EPB41L3: variants seen among roughly 807,000 people sequenced by gnomAD.
EPB41L3 encodes the protein erythrocyte membrane protein band 4.1 like 3, also known as band 4.1-like protein 3.
Under a neutral mutation model 127.1 loss-of-function variants are expected in EPB41L3, and 57 were observed. That is an observed-to-expected ratio of 0.45 (90% CI 0.36 to 0.56). EPB41L3 has a LOEUF of 0.56. Ranked by LOEUF, EPB41L3 falls within the 20% of genes least tolerant of loss-of-function variation. The pLI, the probability that EPB41L3 is intolerant of heterozygous loss-of-function variation, is 0.00. For missense variants in EPB41L3, 1,273 were observed against 1,372.2 expected (o/e 0.93, Z 1.14); for synonymous variants, 572 against 549.5 (o/e 1.04, Z -0.57).
At chr18:5,425,840 T>C (rs1387471086) in intron 9 of EPB41L3, among the ~76,000 whole-genome samples, 1 of 152,150 alleles carries the variant, frequency 6.6e-6, no homozygotes, top group Non-Finnish European at 1.5e-5. Flanking sequence ...CACGACCTGC[T>C]GCCTCTGCTA....
intron 8 of EPB41L3, among the ~76,000 whole-genome samples, chr18:5,428,737 A>G (rs2063655645): frequency 6.6e-6 from 1 of 152,178 alleles, no homozygotes; most frequent in Non-Finnish European, 1.5e-5. Flanking sequence ...CCAGCTCATG[A>G]AGGTATGTTA....
chr18:5,629,449 A>T (rs1053172301), upstream of EPB41L3, among the ~76,000 whole-genome samples: 3 of 148,668 alleles, frequency 2.0e-5, no homozygotes, highest in African/African-American at 7.5e-5. Context: ...ACACACACAC[A>T]CTGCCGCTAG....
chr18:5,614,933 T>G (rs1212716846), intron 1 of EPB41L3, among the ~76,000 whole-genome samples: 2 of 152,198 alleles, frequency 1.3e-5, no homozygotes, highest in Non-Finnish European at 2.9e-5. Context: ...TCAGGTTATG[T>G]GTATGAAGAG....
intron 1 of EPB41L3, among the ~76,000 whole-genome samples, chr18:5,531,592 G>A (rs1310861911): frequency 6.6e-6 from 1 of 151,828 alleles, no homozygotes; most frequent in African/African-American, 2.4e-5. Context: ...GTGTGGTGGT[G>A]CATGCCTGTA....
chr18:5,399,144 G>A, intron 16 of EPB41L3: 1 of 399,046 alleles, frequency 2.5e-6, no homozygotes, highest in Non-Finnish European at 4.4e-6. Flanking sequence ...AATTCTCCCG[G>A]AGACAGTGTC....
chr18:5,629,900 C>G (rs1364185052), upstream of EPB41L3, among the ~76,000 whole-genome samples: 3 of 152,142 alleles, frequency 2.0e-5, no homozygotes, highest in East Asian at 5.8e-4. Flanking sequence ...TCGGAATAGG[C>G]TAAACGGCCG....
intron 3 of EPB41L3, among the ~76,000 whole-genome samples, chr18:5,553,056 C>G (rs1243570194): frequency 1.3e-5 from 2 of 152,088 alleles, no homozygotes; most frequent in Non-Finnish European, 1.5e-5. Flanking sequence ...AGAAGAGAAA[C>G]AGAGTTAAGA....
At chr18:5,581,395 C>G (rs2094392146) in intron 3 of EPB41L3, among the ~76,000 whole-genome samples, 1 of 152,018 alleles carries the variant, frequency 6.6e-6, no homozygotes, top group South Asian at 2.1e-4. Flanking sequence ...GTCTGTTAAA[C>G]TAAATTTTAA....
At chr18:5,585,715 G>C (rs1430522319) in intron 3 of EPB41L3, among the ~76,000 whole-genome samples, 1 of 152,164 alleles carries the variant, frequency 6.6e-6, no homozygotes, top group Non-Finnish European at 1.5e-5. Flanking sequence ...TATGGAGTTA[G>C]GGGGATGGTC....
At chr18:5,613,461 C>T (rs1362705728) in intron 2 of EPB41L3, among the ~76,000 whole-genome samples, 1 of 152,114 alleles carries the variant, frequency 6.6e-6, no homozygotes, top group Non-Finnish European at 1.5e-5. Context: ...AATTCCTAGC[C>T]CTATTTCCCG....
At chr18:5,626,572 T>C (rs528179681) in intron 1 of EPB41L3, among the ~76,000 whole-genome samples, 2 of 152,334 alleles carry the variant, frequency 1.3e-5, no homozygotes, top group South Asian at 4.1e-4. Flanking sequence ...CACTGGAAAA[T>C]TCTATGTTCC....
At chr18:5,542,857 G>T (rs890571198) in intron 1 of EPB41L3, among the ~76,000 whole-genome samples, 1 of 152,200 alleles carries the variant, frequency 6.6e-6, no homozygotes, top group African/African-American at 2.4e-5. Flanking sequence ...GGCGGGCGTG[G>T]GGGGGAAGGG....
chr18:5,593,032 G>A (rs2094500469), intron 3 of EPB41L3, among the ~76,000 whole-genome samples: 1 of 152,128 alleles, frequency 6.6e-6, no homozygotes, highest in Admixed American at 6.5e-5. Context: ...CATTCAGAAG[G>A]CTTTAAAAAC....
chr18:5,556,457 G>T (rs112180867), intron 3 of EPB41L3, among the ~76,000 whole-genome samples: 13 of 152,166 alleles, frequency 8.5e-5, no homozygotes, highest in African/African-American at 3.1e-4. Flanking sequence ...GCTGGAGTAG[G>T]AACATTTGGT....
chr18:5,616,135 C>T (rs2094792307), intron 1 of EPB41L3, among the ~76,000 whole-genome samples: 1 of 151,636 alleles, frequency 6.6e-6, no homozygotes, highest in African/African-American at 2.4e-5. Context: ...CACCACCCTT[C>T]CCTCACCTCT....
In EPB41L3 at chr18:5,428,417, A is replaced by G; in HGVS notation, c.961T>C (p.Leu321=). The G allele has an allele frequency of 6.2e-7, 1 of 1,614,252 alleles. No homozygotes were observed. The highest frequency in any genetic ancestry group is 8.5e-7 in the Non-Finnish European group (1 of 1,180,040). The part of the protein sequence containing the change: ...IMLGVCASGL[L]IYRDRLRINR... ...ATTCGCAGCCGGTCGCGATATATCA[A>G]CAGACCACTTGCACAAACTCCTAAC... is the stretch of plus-strand genomic sequence containing the variant. Residue 321 remains leucine (L), a synonymous_variant, in exon 9 of 23, where the codon TTG becomes CTG. Coordinates refer to ENST00000341928, the MANE Select transcript of EPB41L3 (RefSeq NM_012307.5).
At position 5,413,503 on chromosome 18, in the gene EPB41L3, G is replaced by A. The variant is rs193093228; in HGVS notation, c.2067+2315C>T. 9.6e-4 allele frequency among the ~76,000 whole-genome samples: 146 copies of A among 152,304 alleles called. No individual in the cohort carries two copies. The Middle Eastern group carries it at 0.02, about 21-fold the overall frequency. On this transcript the variant is annotated intron_variant, in intron 13 of 22. Coordinates refer to ENST00000341928, the MANE Select transcript of EPB41L3 (RefSeq NM_012307.5). The stretch of plus-strand genomic sequence containing the variant: ...TATTTAAAAAGAATTAATTAGTAGT[G>A]ACTTGGCAAAACGAAAGTGACAAGG...
intron 3 of EPB41L3, among the ~76,000 whole-genome samples, chr18:5,558,760 A>T (rs979385170): frequency 1.3e-5 from 2 of 152,350 alleles, no homozygotes; most frequent in Non-Finnish European, 2.9e-5. Flanking sequence ...ATTGTGCCTA[A>T]CACATAGTAG....
chr18:5,432,785 T>C (rs886363283), intron 8 of EPB41L3, among the ~76,000 whole-genome samples: 2 of 152,214 alleles, frequency 1.3e-5, no homozygotes, highest in Non-Finnish European at 2.9e-5. Flanking sequence ...GATACACCTT[T>C]AACATTTCAT....
Sources: gnomAD v4.1 joint callset for allele counts (sites outside exome capture counted in the v4.1 genomes callset) on GRCh38, gnomAD v4.1.1 for gene constraint, MANE v1.5 for transcripts, NCBI Gene and HGNC (gene_info 2026-07-23, HGNC 2026-07-21) for gene names.